Variants in SCFD2 observed in about 807,000 individuals in gnomAD.
SCFD2 encodes sec1 family domain containing 2, also known as sec1 family domain-containing protein 2.
In SCFD2, 54 loss-of-function variants were observed where a neutral mutation model predicts 58.9. That is an observed-to-expected ratio of 0.92 (90% CI 0.74 to 1.15). The LOEUF is 1.15. Among genes scored for constraint, SCFD2 ranks in the 50% most tolerant of loss-of-function variants. SCFD2 has a pLI of 0.00. For missense variants in SCFD2, 805 were observed against 836.6 expected (o/e 0.96, Z 0.47); for synonymous variants, 321 against 335.9 (o/e 0.96, Z 0.49).
intron 2 of SCFD2, among the ~76,000 whole-genome samples, chr4:53,335,103 C>G (rs1173381862): frequency 1.4e-5 from 2 of 140,546 alleles, no homozygotes; most frequent in African/African-American, 2.6e-5. Flanking sequence ...GACTGAGGCT[C>G]AAGAATTGCT....
rs1413894356 is a variant in SCFD2, at chr4:53,255,824, A to G, written c.1311+18002T>C. Among the ~76,000 whole-genome samples the G allele has an allele frequency of 1.1e-3, 143 of 135,878 alleles. 3 individuals carry two copies. Among genetic ancestry groups the G allele is most frequent in the African/African-American group, 3.6e-3 (132 of 36,210 alleles). 89.1% of individuals were successfully genotyped at this position (135,878 alleles called of 152,430 possible). On this transcript the variant is annotated intron_variant, in intron 4 of 8. Transcript: ENST00000401642. ...GCGCCCCTCACCTCCCGGACCGGGC[A>G]GCTGGCCGGGCGGGGGGCTGACCCC...
chr4:52,993,977 C>G (rs1327708318), intron 5 of SCFD2, among the ~76,000 whole-genome samples: 1 of 152,226 alleles, frequency 6.6e-6, no homozygotes, highest in Non-Finnish European at 1.5e-5. Flanking sequence ...ATTGCTTGGG[C>G]CCCAGCCCTC....
At chr4:53,281,611 T>C (rs1322522200) in intron 3 of SCFD2, among the ~76,000 whole-genome samples, 2 of 152,194 alleles carry the variant, frequency 1.3e-5, no homozygotes, top group East Asian at 1.9e-4. Context: ...TGTGTTTATA[T>C]TGGCTCCTCA....
intron 5 of SCFD2, among the ~76,000 whole-genome samples, chr4:53,096,407 A>G (rs1411250607): frequency 2.0e-5 from 3 of 152,192 alleles, no homozygotes; most frequent in African/African-American, 7.2e-5. Context: ...AATGATTGCC[A>G]TTCTAACTGG....
At chr4:52,954,436 C>T (rs920503862) in intron 5 of SCFD2, among the ~76,000 whole-genome samples, 8 of 152,288 alleles carry the variant, frequency 5.3e-5, no homozygotes, top group South Asian at 2.1e-4. Context: ...GTGAGGAAGT[C>T]GGGCGGGTGG....
intron 3 of SCFD2, among the ~76,000 whole-genome samples, chr4:53,301,203 C>A (rs1041404468): frequency 2.0e-5 from 3 of 151,828 alleles, no homozygotes; most frequent in African/African-American, 7.3e-5. Context: ...AGACCGCTAG[C>A]AAGACTAATA....
intron 7 of SCFD2, among the ~76,000 whole-genome samples, chr4:52,898,768 C>G (rs993439124): frequency 1.3e-5 from 2 of 152,154 alleles, no homozygotes; most frequent in Admixed American, 6.6e-5. Flanking sequence ...AAGTCTCCCA[C>G]TATTATTGTG....
chr4:52,987,115 G>A (rs186640797), intron 5 of SCFD2, among the ~76,000 whole-genome samples: 1 of 152,120 alleles, frequency 6.6e-6, no homozygotes, highest in African/African-American at 2.4e-5. Flanking sequence ...CTGCAGCTCC[G>A]CCTCCCAGGT....
At chr4:53,197,485 A>T (rs544864076) in intron 4 of SCFD2, among the ~76,000 whole-genome samples, 5 of 152,120 alleles carry the variant, frequency 3.3e-5, no homozygotes, top group Non-Finnish European at 7.4e-5. Flanking sequence ...GCATAATTAC[A>T]GAAATTATTA....
intron 4 of SCFD2, among the ~76,000 whole-genome samples, chr4:53,251,330 C>G (rs1164867147): frequency 6.6e-6 from 1 of 152,116 alleles, no homozygotes; most frequent in Non-Finnish European, 1.5e-5. Context: ...ACCATTCCTT[C>G]TGAAACTATT....
At chr4:53,006,095 T>A (rs931455105) in intron 5 of SCFD2, among the ~76,000 whole-genome samples, 3 of 152,176 alleles carry the variant, frequency 2.0e-5, no homozygotes, top group African/African-American at 7.2e-5. Flanking sequence ...ATCAAAAGCA[T>A]GTCATGCATC....
At chr4:53,150,745 T>TA (rs1454635352) in intron 4 of SCFD2, among the ~76,000 whole-genome samples, 2 of 152,222 alleles carry the variant, frequency 1.3e-5, no homozygotes, top group African/African-American at 4.8e-5. Flanking sequence ...AATGCCTGAA[T>TA]ATTAGACAAT....
chr4:53,116,552 T>G (rs1421082763), intron 5 of SCFD2, among the ~76,000 whole-genome samples: 1 of 152,116 alleles, frequency 6.6e-6, no homozygotes, highest in South Asian at 2.1e-4. Flanking sequence ...CTGGAAATAT[T>G]TGGTGAACAG....
chr4:53,254,913 C>G (rs994591329), intron 4 of SCFD2, among the ~76,000 whole-genome samples: 4 of 148,272 alleles, frequency 2.7e-5, no homozygotes, highest in African/African-American at 9.9e-5. Flanking sequence ...CGCTCTGTCA[C>G]CCAGGCTGGA....
At chr4:53,205,793 C>T (rs544162353) in intron 4 of SCFD2, among the ~76,000 whole-genome samples, 3 of 150,892 alleles carry the variant, frequency 2.0e-5, no homozygotes, top group Non-Finnish European at 4.4e-5. Flanking sequence ...ACCCAGGAAG[C>T]GGAGCTTGCA....
intron 2 of SCFD2, among the ~76,000 whole-genome samples, chr4:53,328,560 A>G (rs955969349): frequency 6.6e-6 from 1 of 152,264 alleles, no homozygotes; most frequent in South Asian, 2.1e-4. Flanking sequence ...CGAATCTATT[A>G]GTTTATGCTA....
chr4:53,058,627 A>G (rs1324123068), intron 5 of SCFD2, among the ~76,000 whole-genome samples: 1 of 152,172 alleles, frequency 6.6e-6, no homozygotes, highest in Non-Finnish European at 1.5e-5. Context: ...ATTTTCAGTC[A>G]CAGTTCAAAT....
chr4:53,163,941 G>T (rs1377735872), intron 4 of SCFD2, among the ~76,000 whole-genome samples: 2 of 152,096 alleles, frequency 1.3e-5, no homozygotes, highest in Non-Finnish European at 2.9e-5. Flanking sequence ...TATACATTCA[G>T]AAGGAACATC....
intron 5 of SCFD2, among the ~76,000 whole-genome samples, chr4:52,932,472 T>C (rs753125734): frequency 6.6e-6 from 1 of 152,242 alleles, no homozygotes; most frequent in African/African-American, 2.4e-5. Flanking sequence ...TTTTCCATTA[T>C]GCTTTTTGAG....
Sources: gnomAD v4.1 joint callset for allele counts (sites outside exome capture counted in the v4.1 genomes callset) on GRCh38, gnomAD v4.1.1 for gene constraint, MANE v1.5 for transcripts, NCBI Gene and HGNC (gene_info 2026-07-23, HGNC 2026-07-21) for gene names.